The following HERC3 variants were observed in gnomAD, a reference collection of about 807,000 sequenced individuals.
The protein encoded by HERC3 is HECT and RLD domain containing E3 ubiquitin protein ligase 3.
In HERC3, 58 loss-of-function variants were observed where a neutral mutation model predicts 129.9. The ratio of observed to expected loss-of-function variants is 0.45; its 90% CI spans 0.36 to 0.56. The LOEUF (loss-of-function observed/expected upper bound fraction) is 0.56. Ranked by LOEUF, HERC3 falls within the 20% of genes least tolerant of loss-of-function variation. HERC3 has a pLI of 0.00. For missense variants in HERC3, 835 were observed against 1,244.2 expected (o/e 0.67, Z 4.95); for synonymous variants, 430 against 451.0 (o/e 0.95, Z 0.59).
chr4:88,694,282 G>C (rs930246723), intron 23 of HERC3, among the ~76,000 whole-genome samples: 1 of 152,188 alleles, frequency 6.6e-6, no homozygotes, highest in Non-Finnish European at 1.5e-5. Flanking sequence ...AGACTCTGCT[G>C]ATGTCCTTTA....
chr4:88,613,161 G>A (rs1212787187), intron 3 of HERC3, among the ~76,000 whole-genome samples: 1 of 152,068 alleles, frequency 6.6e-6, no homozygotes, highest in Non-Finnish European at 1.5e-5. Flanking sequence ...CCGTGGTAGG[G>A]GCAGTTATTT....
At chr4:88,653,170 G>T (rs1482077981) in intron 6 of HERC3, 80 bp downstream of exon 6, 2 of 1,367,258 alleles carry the variant, frequency 1.5e-6, no homozygotes, top group Non-Finnish European at 2.0e-6. Flanking sequence ...TCTACTATGT[G>T]CTAGCCCCAT....
chr4:88,673,602 A>C (rs1043073531), intron 16 of HERC3, among the ~76,000 whole-genome samples: 1 of 152,174 alleles, frequency 6.6e-6, no homozygotes, highest in Non-Finnish European at 1.5e-5. Context: ...TCAGGAGATA[A>C]TCATGTATCT....
intron 21 of HERC3, among the ~76,000 whole-genome samples, chr4:88,683,685 T>C (rs1022256422): frequency 6.6e-6 from 1 of 152,234 alleles, no homozygotes; most frequent in Admixed American, 6.5e-5. Context: ...GAATGTATTC[T>C]CTTGAGAGCT....
At chr4:88,667,152 G>A (rs1244886840) in intron 12 of HERC3, among the ~76,000 whole-genome samples, 1 of 152,122 alleles carries the variant, frequency 6.6e-6, no homozygotes, top group Non-Finnish European at 1.5e-5. Context: ...GAAAATTCTT[G>A]TAAAAGGAAT....
chr4:88,538,013 G>T, the HERC3 span, among the ~76,000 whole-genome samples: 1 of 152,166 alleles, frequency 6.6e-6, no homozygotes, highest in East Asian at 1.9e-4. Context: ...ATCAAAAATA[G>T]GTTTATGTTG....
At chr4:88,651,204 G>A (rs945653392) in intron 4 of HERC3, among the ~76,000 whole-genome samples, 3 of 151,988 alleles carry the variant, frequency 2.0e-5, no homozygotes, top group Admixed American at 1.3e-4. Context: ...GGTTTTTAAC[G>A]GCATTTCATT....
At chr4:88,692,165 C>T (rs1734137448) in intron 23 of HERC3, among the ~76,000 whole-genome samples, 1 of 152,168 alleles carries the variant, frequency 6.6e-6, no homozygotes, top group Admixed American at 6.5e-5. Flanking sequence ...TACTATATCA[C>T]ATGACTACTC....
chr4:88,616,767 C>A (rs2149213325), intron 3 of HERC3, among the ~76,000 whole-genome samples: 1 of 152,262 alleles, frequency 6.6e-6, no homozygotes, highest in East Asian at 1.9e-4. Context: ...GTGTCATGAA[C>A]AATGAGTAAA....
At chr4:88,636,312 C>T (rs1428844153) in intron 3 of HERC3, among the ~76,000 whole-genome samples, 1 of 152,036 alleles carries the variant, frequency 6.6e-6, no homozygotes, top group Admixed American at 6.5e-5. Context: ...ATGTATCCAG[C>T]AAATGGAAAG....
the HERC3 span, among the ~76,000 whole-genome samples, chr4:88,531,850 T>A: frequency 6.6e-6 from 1 of 152,172 alleles, no homozygotes; most frequent in Non-Finnish European, 1.5e-5. Context: ...AGGGGCAGTG[T>A]CTTCTTAGCA....
At chr4:88,699,181 C>A (rs555619166) in intron 23 of HERC3, among the ~76,000 whole-genome samples, 2 of 42,834 alleles carry the variant, frequency 4.7e-5, no homozygotes, top group South Asian at 1.4e-3. Context: ...TCACCCTCTT[C>A]TTCCTCACGC....
chr4:88,662,671 T>C, intron 11 of HERC3, 116 bp downstream of exon 11: 1 of 1,109,846 alleles, frequency 9.0e-7, no homozygotes, highest in East Asian at 2.5e-5. Flanking sequence ...GGTTTTACAT[T>C]ATAGGGAATC....
intron 23 of HERC3, chr4:88,690,229 C>T (rs1021575659): frequency 3.1e-6 from 3 of 976,526 alleles, no homozygotes; most frequent in African/African-American, 1.8e-5. Context: ...AATTTATCTT[C>T]AGGATGTTTA....
At chr4:88,592,907 C>CCCGCCCTG (rs1193700510) in intron 1 of HERC3, among the ~76,000 whole-genome samples, 1 of 151,942 alleles carries the variant, frequency 6.6e-6, no homozygotes, top group South Asian at 2.1e-4. Flanking sequence ...CGGCCGCCCT[C>CCCGCCCTG]CCGCCCTGCC....
rs532149841 is a variant in HERC3 at position 88,686,581 on chromosome 4, G to A, written c.2508-155G>A. Among the ~76,000 whole-genome samples, 5 of 152,232 alleles carry A rather than the reference G, an allele frequency of 3.3e-5. No individual in the cohort carries two copies. In the East Asian group the frequency reaches 7.7e-4, roughly 23 times the overall value. On this transcript the variant is annotated intron_variant, in intron 21 of 25. Transcript: ENST00000402738. ...TGCCATAATTCTCTGCAAGGTGTAG[G>A]TACATGATTTTCTGTCCGTCCGGAT...
At chr4:88,553,371 T>C in the HERC3 span, among the ~76,000 whole-genome samples, 18 of 152,272 alleles carry the variant, frequency 1.2e-4, no homozygotes, top group African/African-American at 3.6e-4. Context: ...ATGAGCTAAC[T>C]TGAAAGGGTC....
chr4:88,654,326 C>T (rs1156771330), intron 7 of HERC3, among the ~76,000 whole-genome samples, 193 bp downstream of exon 7: 1 of 139,232 alleles, frequency 7.2e-6, no homozygotes, highest in African/African-American at 2.6e-5. Flanking sequence ...CTGTTATCCT[C>T]TTTGGTAATC....
chr4:88,619,067 T>A (rs1473439540), intron 3 of HERC3, among the ~76,000 whole-genome samples: 1 of 152,202 alleles, frequency 6.6e-6, no homozygotes, highest in Non-Finnish European at 1.5e-5. Context: ...TCAGAATTTA[T>A]TCATCCTTTT....
Sources: allele counts gnomAD v4.1 joint callset (sites outside exome capture counted in the v4.1 genomes callset), GRCh38; gene constraint gnomAD v4.1.1; transcripts MANE v1.5; gene names NCBI Gene and HGNC (gene_info 2026-07-23, HGNC 2026-07-21).